Variants in PPARGC1B observed in about 807,000 individuals in gnomAD.
PPARGC1B encodes PPARG coactivator 1 beta, also known as peroxisome proliferator-activated receptor gamma coactivator 1-beta.
Under a neutral mutation model 101.6 loss-of-function variants are expected in PPARGC1B, and 34 were observed. The ratio of observed to expected loss-of-function variants is 0.33; its 90% CI spans 0.25 to 0.45. The LOEUF (loss-of-function observed/expected upper bound fraction) is 0.45. Among genes scored for constraint, PPARGC1B ranks in the 20% least tolerant of loss-of-function variants. PPARGC1B has a pLI of 1.00. For missense variants in PPARGC1B, 1,234 were observed against 1,317.6 expected (o/e 0.94, Z 0.98); for synonymous variants, 548 against 539.3 (o/e 1.02, Z -0.22).
At chr5:149,829,934 C>G (rs1758682309) in intron 3 of PPARGC1B, among the ~76,000 whole-genome samples, 1 of 145,270 alleles carries the variant, frequency 6.9e-6, no homozygotes. Context: ...ACTTGGGAGG[C>G]TGAGGCAGGA....
intron 1 of PPARGC1B, among the ~76,000 whole-genome samples, chr5:149,748,298 T>C (rs1338116926): frequency 7.4e-6 from 1 of 134,938 alleles, no homozygotes; most frequent in South Asian, 2.5e-4. Flanking sequence ...GATATAGATA[T>C]AGATATAGAT....
intron 1 of PPARGC1B, among the ~76,000 whole-genome samples, chr5:149,754,937 A>G (rs1023502605): frequency 4.7e-5 from 7 of 150,138 alleles, no homozygotes; most frequent in African/African-American, 1.7e-4. Context: ...ACGCGCCACC[A>G]TGCCTGACCA....
At chr5:149,845,080 T>G (rs1346296770) in intron 10 of PPARGC1B, among the ~76,000 whole-genome samples, 1 of 152,126 alleles carries the variant, frequency 6.6e-6, no homozygotes, top group East Asian at 1.9e-4. Context: ...GAAGGGCCAT[T>G]GTCACGTGGC....
intron 11 of PPARGC1B, chr5:149,846,119 T>G: frequency 3.2e-6 from 2 of 628,760 alleles, no homozygotes; most frequent in Non-Finnish European, 2.9e-6. Context: ...CACCTTATCC[T>G]GTCCTGTGAC....
chr5:149,753,475 T>G (rs1172641004), intron 1 of PPARGC1B, among the ~76,000 whole-genome samples: 1 of 152,106 alleles, frequency 6.6e-6, no homozygotes, highest in African/African-American at 2.4e-5. Flanking sequence ...CCCAAAATGC[T>G]GGGATTACTA....
intron 1 of PPARGC1B, among the ~76,000 whole-genome samples, chr5:149,770,874 A>G (rs574280957): frequency 1.3e-4 from 20 of 152,114 alleles, no homozygotes; most frequent in African/African-American, 4.8e-4. Context: ...TTGAAACACA[A>G]GGGTTGATTG....
intron 1 of PPARGC1B, among the ~76,000 whole-genome samples, chr5:149,747,641 A>G (rs1755137753): frequency 6.6e-6 from 1 of 152,186 alleles, no homozygotes; most frequent in Non-Finnish European, 1.5e-5. Context: ...TGTGGACACC[A>G]GGTACCTGCC....
At chr5:149,820,692 C>G in intron 2 of PPARGC1B, 86 bp downstream of exon 2, 1 of 1,326,780 alleles carries the variant, frequency 7.5e-7, no homozygotes, top group South Asian at 1.3e-5. Flanking sequence ...CTGCCTTCTC[C>G]TGCACTTGCT....
At chr5:149,830,246 C>CT (rs74273665) in intron 3 of PPARGC1B, among the ~76,000 whole-genome samples, 300 of 138,546 alleles carry the variant, frequency 2.2e-3, no homozygotes, top group African/African-American at 5.4e-3. Context: ...GATGTGTCTT[C>CT]TTTTTTTTTT....
chr5:149,819,500 T>G (rs990770997), intron 1 of PPARGC1B, among the ~76,000 whole-genome samples: 1 of 150,790 alleles, frequency 6.6e-6, no homozygotes, highest in African/African-American at 2.5e-5. Flanking sequence ...TTTTGTTTTT[T>G]TTTGTTTGTT....
In PPARGC1B at chr5:149,837,184, G is replaced by A. The variant is rs537125364; in HGVS notation, c.2618+111G>A. On this transcript the variant is annotated intron_variant, in intron 8 of 11. Transcript: ENST00000309241. The surrounding 1 kb of genome is among the most constrained non-coding windows in gnomAD (Gnocchi z 4.2). ...CTGGGAAGCTTGCTCTGAAACTGAG[G>A]CTGCATCTCCCAGTGTGGCCCATGT... 47 of 1,466,982 alleles carry A rather than the reference G, an allele frequency of 3.2e-5. No homozygotes were observed. The South Asian group carries it at 5.6e-4, about 17-fold the overall frequency. 90.9% of individuals were successfully genotyped at this position (1,466,982 alleles called of 1,614,324 possible).
intron 1 of PPARGC1B, chr5:149,772,107 A>G: frequency 6.3e-7 from 1 of 1,590,340 alleles, no homozygotes; most frequent in Non-Finnish European, 8.6e-7. Context: ...GGGCTGCCCC[A>G]GGACCCTTGG....
chr5:149,806,624 T>A (rs1290783354), intron 1 of PPARGC1B, among the ~76,000 whole-genome samples: 1 of 97,576 alleles, frequency 1.0e-5, no homozygotes, highest in African/African-American at 3.5e-5. Flanking sequence ...TTTTTTTTTT[T>A]TTGAGACAGT....
intron 5 of PPARGC1B, among the ~76,000 whole-genome samples, chr5:149,834,294 C>T (rs1412334102): frequency 6.6e-6 from 1 of 152,206 alleles, no homozygotes; most frequent in African/African-American, 2.4e-5. Flanking sequence ...GGACTGTCAT[C>T]GTCTCCATTT....
chr5:149,759,461 C>A (rs1229072669), intron 1 of PPARGC1B, among the ~76,000 whole-genome samples: 1 of 152,134 alleles, frequency 6.6e-6, no homozygotes, highest in Non-Finnish European at 1.5e-5. Flanking sequence ...GCTGTAGCAA[C>A]AGTGGCCACC....
At position 149,733,735 on chromosome 5, in the gene PPARGC1B, A is replaced by C. The variant is rs552418697; in HGVS notation, c.78+3315A>C. Among the ~76,000 whole-genome samples the C allele has an allele frequency of 2.6e-5, 4 of 152,258 alleles. No individual in the cohort carries two copies. In the South Asian group the frequency reaches 8.3e-4, roughly 32 times the overall value. The stretch of plus-strand genomic sequence containing the variant: ...TGCAGAGGGCTGCAGCTGTGGGCAA[A>C]ATTTTAGACCCCAAAGGCCACACAG... On this transcript the variant is annotated intron_variant, in intron 1 of 11. Transcript: ENST00000309241.
chr5:149,785,665 A>C (rs1301755220), intron 1 of PPARGC1B, among the ~76,000 whole-genome samples: 1 of 152,222 alleles, frequency 6.6e-6, no homozygotes, highest in Admixed American at 6.5e-5. Flanking sequence ...GCACAAAGAC[A>C]AAGACCCTCT....
At chr5:149,787,769 G>A (rs1034827608) in intron 1 of PPARGC1B, among the ~76,000 whole-genome samples, 6 of 152,234 alleles carry the variant, frequency 3.9e-5, no homozygotes, top group South Asian at 2.1e-4. Context: ...GCACCCTGTC[G>A]GCCAATCATA....
chr5:149,759,492 G>A (rs1446367146), intron 1 of PPARGC1B, among the ~76,000 whole-genome samples: 2 of 152,174 alleles, frequency 1.3e-5, no homozygotes, highest in Non-Finnish European at 2.9e-5. Flanking sequence ...AGGGGCAGGA[G>A]AGGTACTACC....
Sources: gnomAD v4.1 joint callset for allele counts (sites outside exome capture counted in the v4.1 genomes callset) on GRCh38, gnomAD v4.1.1 for gene constraint, Gnocchi (gnomAD v3.1) non-coding constraint, MANE v1.5 for transcripts, NCBI Gene and HGNC (gene_info 2026-07-23, HGNC 2026-07-21) for gene names.